ME1: variants seen among roughly 807,000 people sequenced by gnomAD.
ME1 encodes NADP-dependent malic enzyme.
In ME1, 74 loss-of-function variants were observed where a neutral mutation model predicts 66.4. That is an observed-to-expected ratio of 1.11 (90% CI 0.92 to 1.35). The LOEUF is 1.35. Ranked by LOEUF, ME1 falls within the 40% of genes most tolerant of loss-of-function variation. The pLI, the probability that ME1 is intolerant of heterozygous loss-of-function variation, is 0.00. For missense variants in ME1, 750 were observed against 694.1 expected (o/e 1.08, Z -0.90); for synonymous variants, 251 against 235.6 (o/e 1.07, Z -0.60).
intron 6 of ME1, among the ~76,000 whole-genome samples, chr6:83,268,744 T>C (rs1406753461): frequency 6.7e-6 from 1 of 149,418 alleles, no homozygotes; most frequent in African/African-American, 2.5e-5. Flanking sequence ...ATTATTATTA[T>C]TATTATTATT....
At chr6:83,313,085 C>A (rs900545953) in intron 6 of ME1, among the ~76,000 whole-genome samples, 1 of 152,158 alleles carries the variant, frequency 6.6e-6, no homozygotes. Flanking sequence ...AACTCTATCT[C>A]AGAGTCTGAT....
chr6:83,324,560 T>C (rs1768246287), intron 5 of ME1, among the ~76,000 whole-genome samples: 1 of 151,822 alleles, frequency 6.6e-6, no homozygotes, highest in Non-Finnish European at 1.5e-5. Flanking sequence ...CAAACACCTC[T>C]ACAAATAAAC....
intron 6 of ME1, among the ~76,000 whole-genome samples, chr6:83,261,662 GAGA>G (rs1033714043): frequency 6.6e-5 from 10 of 152,122 alleles, no homozygotes; most frequent in East Asian, 1.9e-4. Context: ...GGAAAGATCT[GAGA>G]AGAAGAAGTG....
At chr6:83,360,398 A>G (rs539475378) in intron 3 of ME1, among the ~76,000 whole-genome samples, 2 of 152,184 alleles carry the variant, frequency 1.3e-5, no homozygotes, top group African/African-American at 2.4e-5. Flanking sequence ...TCCTCCAGTT[A>G]AAGTAGGGGC....
chr6:83,360,311 G>T (rs887330146), intron 3 of ME1, among the ~76,000 whole-genome samples: 3 of 152,198 alleles, frequency 2.0e-5, no homozygotes, highest in Non-Finnish European at 1.5e-5. Context: ...AAAGGGAAAT[G>T]ATCAGACATT....
rs2128550034 is a variant in ME1, at chr6:83,392,972, C to T, written c.362+5395G>A. The T allele has an allele frequency of 3.5e-6, 3 of 853,454 alleles. No individual in the cohort carries two copies. In the Admixed American group the frequency reaches 5.4e-5, roughly 15 times the overall value. 52.9% of individuals were successfully genotyped at this position (853,454 alleles called of 1,614,324 possible). A position where few individuals can be genotyped will look rare whatever the true frequency, so the allele number is the denominator to read the frequency against. ...CTGCCACCCAGAAGACTATGGATGG[C>T]TCCTATGGGAAACTGTGGGGTGACG... On this transcript the variant is annotated intron_variant, in intron 3 of 13. Coordinates refer to ENST00000369705, the MANE Select transcript of ME1 (RefSeq NM_002395.6).
chr6:83,374,409 G>A (rs527295418), intron 3 of ME1, among the ~76,000 whole-genome samples: 1 of 152,312 alleles, frequency 6.6e-6, no homozygotes, highest in East Asian at 1.9e-4. Context: ...CCTTTGAGAA[G>A]TGTCTGTTCA....
At chr6:83,257,610 A>G (rs1241629482) in intron 6 of ME1, among the ~76,000 whole-genome samples, 1 of 152,220 alleles carries the variant, frequency 6.6e-6, no homozygotes, top group Non-Finnish European at 1.5e-5. Context: ...GATGCCGTTT[A>G]TCCTCCAAGG....
chr6:83,382,262 A>C (rs1769419587), intron 3 of ME1, among the ~76,000 whole-genome samples: 1 of 152,056 alleles, frequency 6.6e-6, no homozygotes, highest in Non-Finnish European at 1.5e-5. Context: ...TTAAGTCTTT[A>C]TTTACCTATT....
In ME1 at chr6:83,211,716, C is replaced by A; in HGVS notation, c.*208G>T. On this transcript the variant is annotated 3_prime_UTR_variant, in exon 14 of 14. Coordinates refer to ENST00000369705, the MANE Select transcript of ME1 (RefSeq NM_002395.6). Reference sequence around the variant, plus strand: ...TAGGCAGAATAATTCAGACAGAAACCATAAATAACCAGAAGGCAAAGTGAA... The same window carrying A: ...TAGGCAGAATAATTCAGACAGAAACAATAAATAACCAGAAGGCAAAGTGAA... The A allele has an allele frequency of 2.6e-6, 1 of 378,090 alleles. No homozygotes were observed. Among genetic ancestry groups the A allele is most frequent in the Non-Finnish European group, 4.7e-6 (1 of 213,266 alleles). 23.4% of individuals were successfully genotyped at this position (378,090 alleles called of 1,614,324 possible).
intron 6 of ME1, among the ~76,000 whole-genome samples, chr6:83,298,931 G>GGTTT (rs1767655458): frequency 2.7e-4 from 6 of 22,458 alleles, no homozygotes; most frequent in South Asian, 2.8e-3. Context: ...CTATGTGTCT[G>GGTTT]TTTTTTTTTT....
rs1790245014 is a variant in ME1 at position 83,228,760 on chromosome 6, G to T, written c.1132+66C>A. The T allele has an allele frequency of 2.2e-5, 23 of 1,033,752 alleles. 1 individual carries two copies. In the South Asian group the frequency reaches 2.4e-4, roughly 11 times the overall value. 64.0% of individuals were successfully genotyped at this position (1,033,752 alleles called of 1,614,324 possible). A position where few individuals can be genotyped will look rare whatever the true frequency, so the allele number is the denominator to read the frequency against. ...AAGGCTAAATTATACCTCAAAAATT[G>T]GTAGTAAAAAAAACAATCAGGTCAA... On this transcript the variant is annotated intron_variant, in intron 10 of 13. Transcript: ENST00000369705.
chr6:83,300,614 T>C (rs1251519605), intron 6 of ME1, among the ~76,000 whole-genome samples: 17 of 140,132 alleles, frequency 1.2e-4, no homozygotes, highest in East Asian at 6.0e-4. Context: ...TTCTTTCTTT[T>C]TTTTTTTTTT....
chr6:83,260,615 A>G (rs961220593), intron 6 of ME1, among the ~76,000 whole-genome samples: 1 of 152,144 alleles, frequency 6.6e-6, no homozygotes, highest in Admixed American at 6.5e-5. Context: ...CATGGACACT[A>G]GGCCCCAGTG....
At chr6:83,415,606 T>C (rs1395828201) in intron 1 of ME1, among the ~76,000 whole-genome samples, 2 of 152,220 alleles carry the variant, frequency 1.3e-5, no homozygotes, top group Non-Finnish European at 2.9e-5. Context: ...ATCACCGAAT[T>C]CAAATTTCAA....
chr6:83,283,981 G>A (rs1262672855), intron 6 of ME1, among the ~76,000 whole-genome samples: 1 of 152,134 alleles, frequency 6.6e-6, no homozygotes, highest in Admixed American at 6.5e-5. Flanking sequence ...AAGATCAATA[G>A]ACTGCTAGCT....
At chr6:83,246,522 T>G (rs574643861) in intron 7 of ME1, among the ~76,000 whole-genome samples, 4 of 152,128 alleles carry the variant, frequency 2.6e-5, no homozygotes, top group African/African-American at 9.6e-5. Flanking sequence ...CTTAAAAATA[T>G]CTTGTGAATA....
chr6:83,348,996 A>T (rs1446183157), intron 4 of ME1, among the ~76,000 whole-genome samples: 14 of 144,068 alleles, frequency 9.7e-5, no homozygotes, highest in African/African-American at 3.5e-4. Flanking sequence ...AAAAAAAAAA[A>T]AAAAACAAAA....
intron 3 of ME1, among the ~76,000 whole-genome samples, chr6:83,380,589 G>A (rs930316521): frequency 1.3e-5 from 2 of 151,966 alleles, no homozygotes; most frequent in Non-Finnish European, 2.9e-5. Flanking sequence ...GGAAAGGAAG[G>A]GGAAAAAATC....
Sources: gnomAD v4.1 joint callset for allele counts (sites outside exome capture counted in the v4.1 genomes callset) on GRCh38, gnomAD v4.1.1 for gene constraint, MANE v1.5 for transcripts, NCBI Gene and HGNC (gene_info 2026-07-23, HGNC 2026-07-21) for gene names.